Variants in SYT3 observed in about 807,000 individuals in gnomAD.
SYT3 encodes synaptotagmin 3, also known as synaptotagmin-3.
SYT3 carries 25 observed loss-of-function variants against 50.6 expected under a neutral mutation model. The ratio of observed to expected loss-of-function variants is 0.49; its 90% CI spans 0.36 to 0.69. The LOEUF (loss-of-function observed/expected upper bound fraction) is 0.69, where lower values mean the gene tolerates loss of function less well. Among genes scored for constraint, SYT3 ranks in the 30% least tolerant of loss-of-function variants. The pLI, the probability that SYT3 is intolerant of heterozygous loss-of-function variation, is 0.00. For missense variants in SYT3, 589 were observed against 793.6 expected (o/e 0.74, Z 3.10); for synonymous variants, 323 against 353.9 (o/e 0.91, Z 0.98).
chr19:50,654,181 C>CA, the SYT3 span, among the ~76,000 whole-genome samples: 21 of 152,070 alleles, frequency 1.4e-4, no homozygotes, highest in African/African-American at 4.3e-4. Context: ...GCAGCTATAA[C>CA]AAAGACACCC....
chr19:50,654,039 TG>T, the SYT3 span, among the ~76,000 whole-genome samples: 51 of 151,916 alleles, frequency 3.4e-4, 1 homozygote, highest in Admixed American at 1.4e-3. Context: ...GATTCAGGGG[TG>T]GTCTTGTTTT....
At chr19:50,642,792 C>G (rs1350764695), upstream of SYT3, among the ~76,000 whole-genome samples, 1 of 152,150 alleles carries the variant, frequency 6.6e-6, no homozygotes, top group African/African-American at 2.4e-5. Flanking sequence ...CAAGATCATG[C>G]CATTGCACTC....
At position 50,630,144 on chromosome 19, in the gene SYT3, G is replaced by A. The variant is rs764609740; in HGVS notation, c.702C>T (p.Thr234=). The part of the protein sequence containing the change: ...TRYPALPRPL[T]QQTLTSQPDP... ...CCGGCTGGGAGGTCAGAGTCTGCTG[G>A]GTGAGGGGTCGGGGCAGGGCTGGGT... The change falls in exon 5 of 11, where the codon ACC becomes ACT. Residue 234 remains threonine (T), a synonymous_variant. Transcript: ENST00000600079. 3 of 1,587,564 alleles carry A rather than the reference G, an allele frequency of 1.9e-6. No individual in the cohort carries two copies. The highest frequency in any genetic ancestry group is 2.6e-6 in the Non-Finnish European group (3 of 1,166,884).
At chr19:50,650,826 C>A in the SYT3 span, among the ~76,000 whole-genome samples, 1 of 152,226 alleles carries the variant, frequency 6.6e-6, no homozygotes, top group Admixed American at 6.5e-5. Flanking sequence ...GCCTTTAGGT[C>A]TCTTTTAGTG....
rs1369584913 is a variant in SYT3 at position 50,625,558 on chromosome 19, T to A, written c.1409A>T (p.Tyr470Phe). Residue 470 changes from tyrosine (Y) to phenylalanine (F), a missense_variant, in exon 8 of 11, where the codon TAC becomes TTC. By Grantham distance (22) the Tyr-to-Phe change is conservative. Around this residue, in one of 2 missense-constraint regions of SYT3, gnomAD observed 273 missense variants for 439.3 expected, o/e 0.62. Coordinates refer to ENST00000600079, the MANE Select transcript of SYT3 (RefSeq NM_001160329.2). This position sits in a 1 kb window ranked among gnomAD's most constrained non-coding sequence, Gnocchi z 7.5. ...AMDLTGFSDP[Y>F]VKASLISEGR... is the part of the protein sequence containing the mutation. Reference sequence around the variant, plus strand: ...CTCGCTGATCAGGGAGGCCTTCACGTAGGGGTCTGGGAACAGCAATGAAGT... The same window carrying A: ...CTCGCTGATCAGGGAGGCCTTCACGAAGGGGTCTGGGAACAGCAATGAAGT... The A allele has an allele frequency of 3.1e-6, 5 of 1,589,924 alleles. No homozygotes were observed. Among genetic ancestry groups the A allele is most frequent in the East Asian group, 4.5e-5 (2 of 44,766 alleles).
intron 10 of SYT3, 102 bp downstream of exon 10, chr19:50,622,585 G>T: frequency 1.2e-6 from 1 of 852,790 alleles, no homozygotes; most frequent in Non-Finnish European, 2.0e-6. Flanking sequence ...CCCAGGCGCA[G>T]CCCCTCCTCC....
rs754413574 is a variant in SYT3 at position 50,637,440 on chromosome 19, G to A, written c.-15-14C>T. 1.3e-6 allele frequency: 2 copies of A among 1,578,192 alleles called. No homozygotes were observed. Among genetic ancestry groups the A allele is most frequent in the South Asian group, 1.1e-5 (1 of 90,262 alleles). On this transcript the variant is annotated splice_polypyrimidine_tract_variant and intron_variant, in intron 2 of 10. Transcript: ENST00000600079. This position sits in a 1 kb window ranked among gnomAD's most constrained non-coding sequence, Gnocchi z 4.9. Reference sequence around the variant, plus strand: ...GGCCGTCTGGTCCTGTGTGTGGGAGGGATGGGGCAAGGGTGCAGATGGGAA... The same window carrying A: ...GGCCGTCTGGTCCTGTGTGTGGGAGAGATGGGGCAAGGGTGCAGATGGGAA...
intron 6 of SYT3, 86 bp downstream of exon 6, chr19:50,629,208 G>A: frequency 1.9e-6 from 2 of 1,064,444 alleles, no homozygotes; most frequent in Non-Finnish European, 2.7e-6. Flanking sequence ...AAGTGAGGAA[G>A]TTATGAACTC....
chr19:50,628,733 C>T (rs1397893153), intron 6 of SYT3, among the ~76,000 whole-genome samples: 2 of 150,926 alleles, frequency 1.3e-5, no homozygotes, highest in Non-Finnish European at 2.9e-5. Flanking sequence ...TATGGCAAAG[C>T]GGGTGAGAGG....
At chr19:50,650,390 A>G in the SYT3 span, among the ~76,000 whole-genome samples, 1 of 152,202 alleles carries the variant, frequency 6.6e-6, no homozygotes, top group Non-Finnish European at 1.5e-5. Flanking sequence ...CAAACTCAGG[A>G]CTGGGTGTGG....
At chr19:50,656,376 A>T in the SYT3 span, 5 of 1,520,794 alleles carry the variant, frequency 3.3e-6, no homozygotes, top group Non-Finnish European at 2.6e-6. Flanking sequence ...TATTTTCTGC[A>T]CAGTTTTGGT....
At position 50,632,237 on chromosome 19, in the gene SYT3, G is replaced by C. The variant is rs755199354; in HGVS notation, c.674+49C>G. 6.6e-7 allele frequency: 1 copy of C among 1,504,288 alleles called. No individual in the cohort carries two copies. Among genetic ancestry groups the C allele is most frequent in the South Asian group, 1.3e-5 (1 of 75,044 alleles). The allele number at this position is 1,504,288 out of a possible 1,614,324, so 93.2% of individuals were successfully genotyped here. ...GCTATAGATAGGAAAGAGACACAGA[G>C]GAGGAGCAGAAGTTCAGAGTGGACC... On this transcript the variant is annotated intron_variant, in intron 4 of 10. Transcript: ENST00000600079. This position sits in a 1 kb window ranked among gnomAD's most constrained non-coding sequence, Gnocchi z 4.7.
rs1379098638 is a variant in SYT3, at chr19:50,629,338, G to A, written c.1237C>T (p.Pro413Ser). The change falls in exon 6 of 11, where the codon CCC becomes TCC. Residue 413 changes from proline (P) to serine (S), a missense_variant. Physicochemically the swap from Pro to Ser is moderately conservative, Grantham distance 74. Coordinates refer to ENST00000600079, the MANE Select transcript of SYT3 (RefSeq NM_001160329.2). ...LDNLLELAEQ[P>S]PDRPLWRDIV... ...TCCCTCCAGAGCGGGCGGTCAGGGG[G>A]CTGCTCGGCCAGCTCCAGGAGGTTG... The A allele has an allele frequency of 6.2e-7, 1 of 1,613,138 alleles. No homozygotes were observed. Among genetic ancestry groups the A allele is most frequent in the Non-Finnish European group, 8.5e-7 (1 of 1,179,518 alleles).
chr19:50,624,351 G>C (rs1458209863), intron 9 of SYT3, among the ~76,000 whole-genome samples: 2 of 152,138 alleles, frequency 1.3e-5, no homozygotes, highest in Non-Finnish European at 2.9e-5. Flanking sequence ...AAGTAAGTGT[G>C]TTGAAATTCA....
chr19:50,634,992 G>T (rs1362225156), intron 3 of SYT3, among the ~76,000 whole-genome samples: 1 of 152,006 alleles, frequency 6.6e-6, no homozygotes, highest in Non-Finnish European at 1.5e-5. Context: ...CTCACTGCAA[G>T]CTCCACCTCC....
chr19:50,633,605 A>G (rs547678949), intron 3 of SYT3, among the ~76,000 whole-genome samples: 3 of 152,280 alleles, frequency 2.0e-5, no homozygotes, highest in East Asian at 3.9e-4. Context: ...TGAACCTTAC[A>G]TTTCCCATTT....
At chr19:50,644,500 G>A (rs1344895307), upstream of SYT3, among the ~76,000 whole-genome samples, 1 of 152,132 alleles carries the variant, frequency 6.6e-6, no homozygotes. Context: ...TGGATAGATG[G>A]ATGGATGTTG....
At chr19:50,656,166 C>A in the SYT3 span, 1 of 1,536,158 alleles carries the variant, frequency 6.5e-7, no homozygotes, top group Non-Finnish European at 8.7e-7. Context: ...TCCGCCTCCC[C>A]AAATGTGATG....
At chr19:50,626,221 G>T in intron 6 of SYT3, 2 of 688,664 alleles carry the variant, frequency 2.9e-6, no homozygotes, top group Non-Finnish European at 4.5e-6. Flanking sequence ...TATTTGTTCT[G>T]CAGGAAAGAT....
Sources: allele counts gnomAD v4.1 joint callset (sites outside exome capture counted in the v4.1 genomes callset), GRCh38; gene constraint gnomAD v4.1.1; regional missense constraint gnomAD v4.1.1; non-coding constraint Gnocchi (gnomAD v3.1); transcripts MANE v1.5; gene names NCBI Gene and HGNC (gene_info 2026-07-23, HGNC 2026-07-21).